ADAM12: variants seen among roughly 807,000 people sequenced by gnomAD.
The protein encoded by ADAM12 is disintegrin and metalloproteinase domain-containing protein 12.
Under a neutral mutation model 106.4 loss-of-function variants are expected in ADAM12, and 70 were observed. That is an observed-to-expected ratio of 0.66 (90% CI 0.54 to 0.80). The LOEUF (loss-of-function observed/expected upper bound fraction) is 0.80. ADAM12 is among the 30% of genes least tolerant of loss of function. The probability of loss-of-function intolerance (pLI) is 0.00; values close to 1 mark genes in which losing one functional copy is unlikely to be tolerated. For missense variants in ADAM12, 1,010 were observed against 1,171.9 expected, an observed-to-expected ratio of 0.86 and a Z score of 2.02; for synonymous variants, 420 against 433.5, an observed-to-expected ratio of 0.97 and a Z score of 0.39.
intron 1 of ADAM12, among the ~76,000 whole-genome samples, chr10:126,340,870 C>A (rs1001980832): frequency 2.6e-5 from 4 of 151,976 alleles, no homozygotes; most frequent in Non-Finnish European, 5.9e-5. Flanking sequence ...GTGCCCCCAC[C>A]ACGCCTGGCT....
chr10:126,155,518 C>T (rs569786487), intron 3 of ADAM12, among the ~76,000 whole-genome samples: 6 of 152,160 alleles, frequency 3.9e-5, no homozygotes, highest in East Asian at 1.9e-4. Context: ...TATGCATCCT[C>T]GGAACAATAG....
At chr10:126,257,760 GAA>G (rs1394138477) in intron 3 of ADAM12, among the ~76,000 whole-genome samples, 1 of 152,170 alleles carries the variant, frequency 6.6e-6, no homozygotes, top group Non-Finnish European at 1.5e-5. Context: ...ATAAAGATAA[GAA>G]TATATAAAAG....
chr10:126,289,719 T>C (rs1456773666), intron 2 of ADAM12, among the ~76,000 whole-genome samples: 1 of 152,152 alleles, frequency 6.6e-6, no homozygotes, highest in East Asian at 1.9e-4. Flanking sequence ...TTTGGAAATG[T>C]AGCATTTTTC....
intron 3 of ADAM12, among the ~76,000 whole-genome samples, chr10:126,165,765 G>C (rs967569073): frequency 6.6e-6 from 1 of 152,184 alleles, no homozygotes; most frequent in Non-Finnish European, 1.5e-5. Flanking sequence ...TTTCCTCCAT[G>C]TTGGAAGAGA....
At chr10:126,221,153 G>A (rs554934992) in intron 3 of ADAM12, among the ~76,000 whole-genome samples, 59 of 152,300 alleles carry the variant, frequency 3.9e-4, no homozygotes, top group African/African-American at 1.3e-3. Flanking sequence ...GGAAGCTGAG[G>A]CAGGCAGGTC....
At position 126,064,620 on chromosome 10, in the gene ADAM12, A is replaced by G; in HGVS notation, c.1609+186T>C. On this transcript the variant is annotated intron_variant, in intron 14 of 22. Transcript: ENST00000448723. The surrounding 1 kb of genome is among the most constrained non-coding windows in gnomAD (Gnocchi z 4.4). ...CTCCAGGCAGTGTCCATTTCTGTGC[A>G]CCCCATGCCCAGTGCGGCCTCAGAC... The G allele has an allele frequency of 1.6e-6, 1 of 617,666 alleles. No individual in the cohort carries two copies. Among genetic ancestry groups the G allele is most frequent in the Non-Finnish European group, 2.8e-6 (1 of 361,934 alleles). The allele number at this position is 617,666 out of a possible 1,614,324, so 38.3% of individuals were successfully genotyped here. A position where few individuals can be genotyped will look rare whatever the true frequency, so the allele number is the denominator to read the frequency against.
chr10:126,276,575 A>G (rs903101377), intron 3 of ADAM12, among the ~76,000 whole-genome samples: 1 of 152,216 alleles, frequency 6.6e-6, no homozygotes, highest in Non-Finnish European at 1.5e-5. Flanking sequence ...GCATCATTAA[A>G]ATAGTAATAT....
At chr10:126,202,250 G>C (rs900513961) in intron 3 of ADAM12, among the ~76,000 whole-genome samples, 10 of 152,296 alleles carry the variant, frequency 6.6e-5, no homozygotes, top group Non-Finnish European at 1.5e-4. Flanking sequence ...AAGATCTTTA[G>C]AAAAATAAAC....
intron 8 of ADAM12, 41 bp from the exon 9 acceptor site, chr10:126,101,282 C>T (rs779707446): frequency 2.0e-5 from 31 of 1,587,784 alleles, no homozygotes; most frequent in Admixed American, 1.4e-4. Flanking sequence ...GTTGGGATCA[C>T]GTTAATAAAA....
At chr10:126,378,697 AT>A (rs1856384360) in intron 1 of ADAM12, among the ~76,000 whole-genome samples, 2 of 152,214 alleles carry the variant, frequency 1.3e-5, no homozygotes, top group South Asian at 4.1e-4. Context: ...TATCTTTAAC[AT>A]TTTACATCTT....
At chr10:126,266,477 A>C (rs1047500063) in intron 3 of ADAM12, among the ~76,000 whole-genome samples, 2 of 152,212 alleles carry the variant, frequency 1.3e-5, no homozygotes, top group African/African-American at 4.8e-5. Flanking sequence ...CTGCAGACAG[A>C]AGCGGCCAGG....
At chr10:126,165,595 G>C (rs1026410686) in intron 3 of ADAM12, among the ~76,000 whole-genome samples, 2 of 152,176 alleles carry the variant, frequency 1.3e-5, no homozygotes, top group African/African-American at 2.4e-5. Context: ...CCACACAGCT[G>C]AGCCCTGGAG....
At position 126,238,010 on chromosome 10, in the gene ADAM12, G is replaced by A. The variant is rs566522282; in HGVS notation, c.260+40905C>T. Among the ~76,000 whole-genome samples, 16 of 152,264 alleles carry A rather than the reference G, an allele frequency of 1.1e-4. 1 individual carries two copies. The highest frequency in any genetic ancestry group is 3.4e-4 in the African/African-American group (14 of 41,544). Reference sequence around the variant, plus strand: ...GAAAGTGTTGGCCCTGCGATGGTACGGAAGAAAACAAAGCAACGACAATTG... The same window carrying A: ...GAAAGTGTTGGCCCTGCGATGGTACAGAAGAAAACAAAGCAACGACAATTG... On this transcript the variant is annotated intron_variant, in intron 3 of 22. Transcript: ENST00000448723.
In ADAM12 at chr10:126,388,343, T is replaced by TGTGTGTGC. The variant is rs1371350073; in HGVS notation, c.-206_-199dup. On this transcript the variant is annotated 5_prime_UTR_variant, in exon 1 of 23. Transcript: ENST00000448723. This position sits in a 1 kb window ranked among gnomAD's most constrained non-coding sequence, Gnocchi z 4.4. ...TCATTTTTAAAAAAGTTTCCCCCCG[T>TGTGTGTGC]GTGTGTGCGTGCGTGCGCGCGCGCG... 21 of 806,758 alleles carry TGTGTGTGC rather than the reference T, an allele frequency of 2.6e-5. No individual in the cohort carries two copies. The highest frequency in any genetic ancestry group is 3.2e-5 in the Non-Finnish European group (20 of 619,012). 50.0% of individuals were successfully genotyped at this position (806,758 alleles called of 1,614,324 possible).
At chr10:126,155,769 C>G (rs1248208536) in intron 3 of ADAM12, among the ~76,000 whole-genome samples, 1 of 152,168 alleles carries the variant, frequency 6.6e-6, no homozygotes, top group Non-Finnish European at 1.5e-5. Flanking sequence ...ACAGCAGTGC[C>G]CCTGCTGGCT....
At chr10:126,275,092 A>T (rs886305600) in intron 3 of ADAM12, among the ~76,000 whole-genome samples, 12 of 152,210 alleles carry the variant, frequency 7.9e-5, no homozygotes, top group Non-Finnish European at 1.6e-4. Context: ...AAGTGCCTTC[A>T]ATCAGTGATG....
intron 10 of ADAM12, among the ~76,000 whole-genome samples, chr10:126,098,047 C>T (rs938102117): frequency 1.3e-5 from 2 of 152,192 alleles, no homozygotes; most frequent in East Asian, 1.9e-4. Flanking sequence ...CAAACGGGAA[C>T]GTCTGGTGAG....
intron 1 of ADAM12, among the ~76,000 whole-genome samples, chr10:126,380,293 C>G (rs1269020075): frequency 6.6e-6 from 1 of 152,192 alleles, no homozygotes; most frequent in African/African-American, 2.4e-5. Context: ...TTTCAATTGG[C>G]AAATAATGTT....
intron 1 of ADAM12, among the ~76,000 whole-genome samples, chr10:126,383,042 T>C (rs1439176386): frequency 6.6e-6 from 1 of 152,162 alleles, no homozygotes; most frequent in African/African-American, 2.4e-5. Flanking sequence ...CCTCCTGGAC[T>C]CAAGTGATCC....
Sources: allele counts gnomAD v4.1 joint callset (sites outside exome capture counted in the v4.1 genomes callset), GRCh38; gene constraint gnomAD v4.1.1; non-coding constraint Gnocchi (gnomAD v3.1); transcripts MANE v1.5; gene names NCBI Gene and HGNC (gene_info 2026-07-23, HGNC 2026-07-21).